PCCA: variants seen among roughly 807,000 people sequenced by gnomAD.
PCCA encodes the protein propionyl-CoA carboxylase subunit alpha.
A neutral mutation model predicts 101.3 loss-of-function variants in PCCA; 74 were observed. The ratio of observed to expected loss-of-function variants is 0.73; its 90% CI spans 0.61 to 0.89. The LOEUF is 0.89. Among genes scored for constraint, PCCA ranks in the 40% least tolerant of loss-of-function variants. The probability of loss-of-function intolerance (pLI) is 0.00; values close to 1 mark genes in which losing one functional copy is unlikely to be tolerated. For missense variants in PCCA, 891 were observed against 907.0 expected (o/e 0.98, Z 0.23); for synonymous variants, 294 against 313.6 (o/e 0.94, Z 0.66).
At chr13:100,383,335 A>G (rs1354206586) in intron 19 of PCCA, among the ~76,000 whole-genome samples, 1 of 151,900 alleles carries the variant, frequency 6.6e-6, no homozygotes, top group Non-Finnish European at 1.5e-5. Context: ...TGAGAGCAAT[A>G]TAAGATTTGA....
chr13:100,342,538 G>T (rs534204207), intron 18 of PCCA, among the ~76,000 whole-genome samples: 1 of 151,758 alleles, frequency 6.6e-6, no homozygotes, highest in African/African-American at 2.4e-5. Flanking sequence ...AAAGTGCTGG[G>T]ATTATAGGCA....
chr13:100,193,021 G>A (rs2057845811), intron 6 of PCCA, among the ~76,000 whole-genome samples: 1 of 152,124 alleles, frequency 6.6e-6, no homozygotes. Flanking sequence ...GAAAAGGGAC[G>A]CTAATCAGAT....
intron 19 of PCCA, among the ~76,000 whole-genome samples, chr13:100,380,032 AACACAC>A (rs140284754): frequency 6.7e-6 from 1 of 149,570 alleles, no homozygotes; most frequent in Non-Finnish European, 1.5e-5. Flanking sequence ...AAGTAATCTA[AACACAC>A]ACACACACAC....
At chr13:100,204,261 C>T (rs1445321953) in intron 6 of PCCA, among the ~76,000 whole-genome samples, 5 of 152,094 alleles carry the variant, frequency 3.3e-5, no homozygotes, top group African/African-American at 1.2e-4. Context: ...TCCTGAGTAG[C>T]TGGGACCACA....
chr13:100,200,862 ACTC>A (rs555059860), intron 6 of PCCA, among the ~76,000 whole-genome samples: 198 of 152,094 alleles, frequency 1.3e-3, no homozygotes, highest in African/African-American at 4.6e-3. Context: ...AGACAAAACA[ACTC>A]CTGTGTTCAT....
intron 6 of PCCA, among the ~76,000 whole-genome samples, chr13:100,199,920 T>G (rs2058367951): frequency 1.3e-5 from 2 of 152,180 alleles, no homozygotes; most frequent in Admixed American, 1.3e-4. Flanking sequence ...GAAATCACTA[T>G]GAAGTCATAC....
chr13:100,453,641 A>G (rs1449424364), intron 21 of PCCA, among the ~76,000 whole-genome samples: 1 of 152,136 alleles, frequency 6.6e-6, no homozygotes, highest in Non-Finnish European at 1.5e-5. Context: ...TGGTGTGTAG[A>G]GCACTAAAGG....
At chr13:100,150,152 C>G (rs931422326) in intron 4 of PCCA, among the ~76,000 whole-genome samples, 1 of 151,596 alleles carries the variant, frequency 6.6e-6, no homozygotes, top group Non-Finnish European at 1.5e-5. Flanking sequence ...CTCAGCCTCC[C>G]GAGTAGCTGG....
At chr13:100,275,717 T>C (rs574462223) in intron 12 of PCCA, among the ~76,000 whole-genome samples, 2 of 152,306 alleles carry the variant, frequency 1.3e-5, no homozygotes, top group African/African-American at 2.4e-5. Context: ...TATCATTTAA[T>C]TTTTTCCTGT....
At chr13:100,193,232 A>G (rs915219664) in intron 6 of PCCA, among the ~76,000 whole-genome samples, 2 of 152,224 alleles carry the variant, frequency 1.3e-5, no homozygotes, top group Non-Finnish European at 2.9e-5. Flanking sequence ...TCACTTCACT[A>G]GTCTAATGAC....
chr13:100,275,899 A>G (rs553583517), intron 12 of PCCA, among the ~76,000 whole-genome samples: 10 of 152,224 alleles, frequency 6.6e-5, no homozygotes, highest in African/African-American at 2.4e-4. Flanking sequence ...CTTGGGTACA[A>G]TTATCCCCCG....
At chr13:100,256,251 C>T (rs1234288709) in intron 8 of PCCA, among the ~76,000 whole-genome samples, 1 of 152,080 alleles carries the variant, frequency 6.6e-6, no homozygotes, top group Non-Finnish European at 1.5e-5. Context: ...GTAATTCGCC[C>T]ACCTCAGCCT....
intron 21 of PCCA, among the ~76,000 whole-genome samples, chr13:100,494,676 T>TGA (rs2085147019): frequency 3.0e-5 from 2 of 66,682 alleles, no homozygotes; most frequent in Non-Finnish European, 5.0e-5. Context: ...AGAGCAAAAC[T>TGA]CAAAAAAAAA....
intron 7 of PCCA, among the ~76,000 whole-genome samples, chr13:100,229,623 G>A (rs1262609822): frequency 6.6e-6 from 1 of 152,088 alleles, no homozygotes; most frequent in Non-Finnish European, 1.5e-5. Flanking sequence ...CTCTGCCGTT[G>A]CCTCTTTTAA....
chr13:100,092,530 G>A (rs774115274), intron 1 of PCCA, among the ~76,000 whole-genome samples: 6 of 151,988 alleles, frequency 3.9e-5, no homozygotes, highest in African/African-American at 9.7e-5. Flanking sequence ...CCACAGGCAC[G>A]TACGACCACA....
intron 16 of PCCA, among the ~76,000 whole-genome samples, chr13:100,323,128 C>G (rs2068244843): frequency 6.6e-6 from 1 of 152,226 alleles, no homozygotes; most frequent in Non-Finnish European, 1.5e-5. Flanking sequence ...CTTGACTCTG[C>G]TGTTACAACA....
At chr13:100,417,106 G>A (rs1282070775) in intron 19 of PCCA, among the ~76,000 whole-genome samples, 3 of 152,080 alleles carry the variant, frequency 2.0e-5, no homozygotes, top group Admixed American at 6.5e-5. Flanking sequence ...GCCTCCCAAA[G>A]TGCTGGGATT....
At chr13:100,521,068 T>G (rs891560668) in intron 22 of PCCA, among the ~76,000 whole-genome samples, 1 of 152,212 alleles carries the variant, frequency 6.6e-6, no homozygotes, top group African/African-American at 2.4e-5. Flanking sequence ...CCAAAGGTAT[T>G]GTGAATGACA....
At chr13:100,157,410 A>C in intron 6 of PCCA, 70 bp downstream of exon 6, 1 of 1,019,240 alleles carries the variant, frequency 9.8e-7, no homozygotes, top group Non-Finnish European at 1.6e-6. Flanking sequence ...TGGCTTTGTA[A>C]ATGTGGGTAG....
Sources: allele counts gnomAD v4.1 joint callset (sites outside exome capture counted in the v4.1 genomes callset), GRCh38; gene constraint gnomAD v4.1.1; transcripts MANE v1.5; gene names NCBI Gene and HGNC (gene_info 2026-07-23, HGNC 2026-07-21).